Variants in DHX36 observed in about 807,000 individuals in gnomAD.
DHX36 encodes the protein ATP-dependent DNA/RNA helicase DHX36.
In DHX36, 50 loss-of-function variants were observed where a neutral mutation model predicts 139.0. The ratio of observed to expected loss-of-function variants is 0.36; its 90% CI spans 0.29 to 0.46. The LOEUF (loss-of-function observed/expected upper bound fraction) is 0.46, where lower values mean the gene tolerates loss of function less well. DHX36 is among the 20% of genes least tolerant of loss of function. DHX36 has a pLI of 1.00. For missense variants in DHX36, 1,024 were observed against 1,211.3 expected (o/e 0.85, Z 2.29); for synonymous variants, 425 against 401.9 (o/e 1.06, Z -0.69).
At chr3:154,281,390 T>C (rs577739695) in intron 20 of DHX36, among the ~76,000 whole-genome samples, 3 of 151,944 alleles carry the variant, frequency 2.0e-5, no homozygotes, top group East Asian at 3.9e-4. Flanking sequence ...TAATGATACA[T>C]GGCTTATTAC....
Position 154,288,846 on chromosome 3 carries a change from A to G in DHX36, c.2031+20T>C. The G allele has an allele frequency of 7.0e-7, 1 of 1,437,518 alleles. No individual in the cohort carries two copies. The highest frequency in any genetic ancestry group is 9.4e-7 in the Non-Finnish European group (1 of 1,062,226). 89.0% of individuals were successfully genotyped at this position (1,437,518 alleles called of 1,614,324 possible). A position where few individuals can be genotyped will look rare whatever the true frequency, so the allele number is the denominator to read the frequency against. ...GTAGTATTCTAAGTTAGAATTAAAA[A>G]AACAAGAAAACAAATTTACCAGCTC... On this transcript the variant is annotated intron_variant, in intron 17 of 24. Transcript: ENST00000496811.
chr3:154,314,928 G>GA (rs5853690), intron 3 of DHX36, 118 bp downstream of exon 3: 610,175 of 689,310 alleles, frequency 0.89, 271,244 homozygotes, highest in East Asian at 1. Context: ...AATTCCCACA[G>GA]GGATGTCTTG....
At chr3:154,285,462 C>T (rs1711517280) in intron 17 of DHX36, among the ~76,000 whole-genome samples, 3 of 152,104 alleles carry the variant, frequency 2.0e-5, no homozygotes, top group African/African-American at 7.2e-5. Context: ...TCATCTGGTC[C>T]AACCACCCCA....
At chr3:154,284,272 C>T (rs949778477) in intron 19 of DHX36, among the ~76,000 whole-genome samples, 2 of 151,322 alleles carry the variant, frequency 1.3e-5, no homozygotes, top group African/African-American at 2.4e-5. Flanking sequence ...CACCGCGCCC[C>T]GGAGTTCAAG....
At position 154,315,228 on chromosome 3, in the gene DHX36, C is replaced by G. The variant is rs1712926987; in HGVS notation, c.421G>C (p.Asp141His). 1.2e-6 allele frequency: 2 copies of G among 1,613,164 alleles called. No homozygotes were observed. The highest frequency in any genetic ancestry group is 3.3e-5 in the Admixed American group (2 of 59,934). ...TTTATCAACTTCTTTTCCTGGATGT[C>G]AAGTTTGTTCTCTGAGCATGGTGTG... ...KNTPCSENKLDIQEKKLINQE... is the reference protein window; with the variant it reads ...KNTPCSENKLHIQEKKLINQE... Residue 141 changes from aspartate to histidine, a missense_variant, in exon 3 of 25, where the codon GAC becomes CAC. This residue lies in a region of DHX36 where 293 missense variants were observed against 274.4 expected (regional missense o/e 1.07). Transcript: ENST00000496811.
intron 1 of DHX36, among the ~76,000 whole-genome samples, chr3:154,323,088 A>C (rs994288066): frequency 1.3e-5 from 2 of 152,132 alleles, no homozygotes; most frequent in Non-Finnish European, 2.9e-5. Flanking sequence ...TAATCCCAGC[A>C]CTTTGGGAGG....
chr3:154,298,139 A>T (rs1559952199), intron 12 of DHX36, among the ~76,000 whole-genome samples: 1 of 152,236 alleles, frequency 6.6e-6, no homozygotes, highest in Non-Finnish European at 1.5e-5. Context: ...TTCCTTGAGA[A>T]TAATTAATTC....
At chr3:154,281,113 T>C (rs1024948575) in intron 20 of DHX36, among the ~76,000 whole-genome samples, 1 of 152,152 alleles carries the variant, frequency 6.6e-6, no homozygotes, top group Non-Finnish European at 1.5e-5. Context: ...TCAATGCTTG[T>C]AACTGAGATC....
intron 19 of DHX36, 129 bp downstream of exon 19, chr3:154,284,454 T>G: frequency 1.4e-6 from 1 of 737,390 alleles, no homozygotes; most frequent in Non-Finnish European, 2.2e-6. Flanking sequence ...GTGCTATGAT[T>G]ACAGGCATGA....
chr3:154,296,801 T>C (rs1397237063), intron 12 of DHX36, among the ~76,000 whole-genome samples: 1 of 152,242 alleles, frequency 6.6e-6, no homozygotes, highest in Non-Finnish European at 1.5e-5. Context: ...CCATGGACTC[T>C]GACTGTGAAG....
Position 154,289,656 on chromosome 3 carries a change from G to GT in DHX36, c.1932+52dup. On this transcript the variant is annotated intron_variant, in intron 16 of 24. Coordinates refer to ENST00000496811, the MANE Select transcript of DHX36 (RefSeq NM_020865.3). ...TACAGTACTTTGTTCTACAAAAGAT[G>GT]TTGAAAATGAGATCACTTCCATTTA... The GT allele has an allele frequency of 4.8e-6, 5 of 1,049,968 alleles. No homozygotes were observed. The South Asian group carries it at 5.2e-5, about 11-fold the overall frequency. The allele number at this position is 1,049,968 out of a possible 1,614,324, so 65.0% of individuals were successfully genotyped here. A position where few individuals can be genotyped will look rare whatever the true frequency, so the allele number is the denominator to read the frequency against.
chr3:154,279,758 A>G (rs1719272994), intron 22 of DHX36: 3 of 152,196 alleles, frequency 2.0e-5, no homozygotes, highest in African/African-American at 7.2e-5. Flanking sequence ...TTTCATGTTT[A>G]TAATTCTAGA....
chr3:154,303,203 G>T, intron 9 of DHX36, 126 bp downstream of exon 9: 1 of 674,278 alleles, frequency 1.5e-6, no homozygotes, highest in Non-Finnish European at 2.5e-6. Context: ...GCCAAGTGTG[G>T]CTAATTCCCA....
At chr3:154,312,353 A>C (rs1712792831) in intron 3 of DHX36, 1 of 152,176 alleles carries the variant, frequency 6.6e-6, no homozygotes, top group Non-Finnish European at 1.5e-5. Flanking sequence ...CTACAAAAGG[A>C]ATGACTATTT....
At chr3:154,305,519 C>A (rs1712463523) in intron 6 of DHX36, among the ~76,000 whole-genome samples, 1 of 152,168 alleles carries the variant, frequency 6.6e-6, no homozygotes, top group Non-Finnish European at 1.5e-5. Flanking sequence ...GGCTTGTAAT[C>A]CCAACACTTT....
Position 154,273,738 on chromosome 3 carries a change from A to C in DHX36, c.*2433T>G, listed in dbSNP as rs1470151297. 1 of 152,208 alleles carries C rather than the reference A, an allele frequency of 6.6e-6. No individual in the cohort carries two copies. The highest frequency in any genetic ancestry group is 2.4e-5 in the African/African-American group (1 of 41,452). The allele number at this position is 152,208 out of a possible 1,614,324, so 9.4% of individuals were successfully genotyped here. ...GAGCAGTACCTGAACAAGTGCTGTTAATGGATCACTGTAGCATTATCAATA... is the reference window on the plus strand; with the variant it reads ...GAGCAGTACCTGAACAAGTGCTGTTCATGGATCACTGTAGCATTATCAATA... On this transcript the variant is annotated 3_prime_UTR_variant, in exon 25 of 25. Coordinates refer to ENST00000496811, the MANE Select transcript of DHX36 (RefSeq NM_020865.3).
At chr3:154,314,988 C>T in intron 3 of DHX36, 58 bp downstream of exon 3, 1 of 1,226,814 alleles carries the variant, frequency 8.2e-7, no homozygotes, top group Non-Finnish European at 1.2e-6. Context: ...ACCATACATA[C>T]ATTTTTATAA....
chr3:154,295,405 G>T, intron 12 of DHX36, 66 bp from the exon 13 acceptor site: 1 of 738,132 alleles, frequency 1.4e-6, no homozygotes, highest in Non-Finnish European at 2.2e-6. Context: ...AAACACATAT[G>T]AGACAATGAA....
intron 5 of DHX36, among the ~76,000 whole-genome samples, chr3:154,307,108 T>C (rs9823832): frequency 0.28 from 42,673 of 152,048 alleles, 6,748 homozygotes; most frequent in South Asian, 0.41. Flanking sequence ...TCTGTAATTT[T>C]ATGCAATTTC....
Sources: allele counts gnomAD v4.1 joint callset (sites outside exome capture counted in the v4.1 genomes callset), GRCh38; gene constraint gnomAD v4.1.1; regional missense constraint gnomAD v4.1.1; transcripts MANE v1.5; gene names NCBI Gene and HGNC (gene_info 2026-07-23, HGNC 2026-07-21).